OR2L13: variants seen among roughly 807,000 people sequenced by gnomAD.
OR2L13 encodes the protein olfactory receptor family 2 subfamily L member 13, also known as olfactory receptor 2L13.
In OR2L13, 14 loss-of-function variants were observed where a neutral mutation model predicts 15.3. That is an observed-to-expected ratio of 0.91 (90% confidence interval 0.60 to 1.43). The LOEUF (loss-of-function observed/expected upper bound fraction) is 1.43, where lower values mean the gene tolerates loss of function less well. OR2L13 is among the 40% of genes most tolerant of loss of function. OR2L13 has a pLI of 0.00. For synonymous variants in OR2L13, 152 were observed against 142.9 expected (o/e 1.06, Z -0.45); for missense variants, 367 against 387.9 (o/e 0.95, Z 0.45).
At chr1:248,085,686 T>A in the OR2L13 span, among the ~76,000 whole-genome samples, 1 of 152,160 alleles carries the variant, frequency 6.6e-6, no homozygotes, top group African/African-American at 2.4e-5. Flanking sequence ...AGGAGAAAGT[T>A]ATATAACATT....
upstream of OR2L13, among the ~76,000 whole-genome samples, chr1:248,090,475 T>C (rs183435972): frequency 1.9e-3 from 285 of 152,236 alleles, 4 homozygotes; most frequent in African/African-American, 6.7e-3. Flanking sequence ...GTGTCTGTTG[T>C]TCCTGTCTGT....
At chr1:247,975,280 G>A in the OR2L13 span, 17 of 448,158 alleles carry the variant, frequency 3.8e-5, no homozygotes, top group South Asian at 2.5e-4. Context: ...GGTGACTCTG[G>A]CCTTCGTGGA....
At chr1:248,059,647 A>G in the OR2L13 span, among the ~76,000 whole-genome samples, 1 of 152,242 alleles carries the variant, frequency 6.6e-6, no homozygotes, top group African/African-American at 2.4e-5. Flanking sequence ...GAACCACAAA[A>G]TGATAACTGA....
chr1:248,090,014 C>A, the OR2L13 span, among the ~76,000 whole-genome samples: 1 of 152,156 alleles, frequency 6.6e-6, no homozygotes, highest in Non-Finnish European at 1.5e-5. Flanking sequence ...TATGACTTTT[C>A]CTGTAACCTC....
chr1:247,948,797 C>T, the OR2L13 span: 49 of 1,407,828 alleles, frequency 3.5e-5, no homozygotes, highest in Admixed American at 2.8e-4. Context: ...CAGATAAGGG[C>T]GAATTACTGT....
At chr1:248,096,624 G>A (rs562197350), upstream of OR2L13, among the ~76,000 whole-genome samples, 18 of 152,270 alleles carry the variant, frequency 1.2e-4, no homozygotes, top group African/African-American at 4.3e-4. Flanking sequence ...TGTCCTATAC[G>A]TTGTTGAGAT....
At chr1:248,000,480 T>C in the OR2L13 span, among the ~76,000 whole-genome samples, 1 of 152,180 alleles carries the variant, frequency 6.6e-6, no homozygotes, top group African/African-American at 2.4e-5. Flanking sequence ...CATCTTACTT[T>C]CAACTCTAAA....
the OR2L13 span, chr1:248,084,432 G>T: frequency 1.3e-6 from 2 of 1,583,444 alleles, no homozygotes; most frequent in Non-Finnish European, 1.7e-6. Flanking sequence ...GTACATGGGC[G>T]TGTGGAGCCG....
At chr1:248,098,882 AAG>A (rs1466494868) in intron 2 of OR2L13, 107 bp downstream of exon 2, 1 of 153,466 alleles carries the variant, frequency 6.5e-6, no homozygotes, top group Non-Finnish European at 1.4e-5. Flanking sequence ...TAAAGAGAAA[AAG>A]AGAGATTCTA....
chr1:248,043,839 C>G, the OR2L13 span, among the ~76,000 whole-genome samples: 2 of 152,084 alleles, frequency 1.3e-5, no homozygotes, highest in Non-Finnish European at 2.9e-5. Flanking sequence ...TAAAAAAGAG[C>G]ATGGGGAGAT....
At chr1:248,022,981 A>G in the OR2L13 span, 2 of 1,126,196 alleles carry the variant, frequency 1.8e-6, no homozygotes, top group East Asian at 2.4e-5. Flanking sequence ...CCAGTATGTC[A>G]AACAGAGATT....
chr1:247,952,972 T>A, the OR2L13 span, among the ~76,000 whole-genome samples: 1 of 152,122 alleles, frequency 6.6e-6, no homozygotes, highest in Non-Finnish European at 1.5e-5. Flanking sequence ...GAGGCAATGG[T>A]AATCCTATTT....
chr1:248,097,652 C>G (rs564452781), intron 1 of OR2L13, among the ~76,000 whole-genome samples: 4 of 152,190 alleles, frequency 2.6e-5, no homozygotes, highest in African/African-American at 7.2e-5. Context: ...CAAAATGTCT[C>G]TCTTCAAAAC....
At chr1:247,998,438 T>C in the OR2L13 span, among the ~76,000 whole-genome samples, 1 of 152,130 alleles carries the variant, frequency 6.6e-6, no homozygotes, top group African/African-American at 2.4e-5. Flanking sequence ...TGGTGTTTTG[T>C]TTTGTTTTGT....
At chr1:247,990,382 T>C in the OR2L13 span, 6 of 1,581,786 alleles carry the variant, frequency 3.8e-6, no homozygotes, top group African/African-American at 2.7e-5. Context: ...ATGGCTCTAA[T>C]TGGAAACCTA....
At chr1:247,966,350 A>G in the OR2L13 span, 1 of 1,595,672 alleles carries the variant, frequency 6.3e-7, no homozygotes, top group Non-Finnish European at 8.5e-7. Flanking sequence ...TTGAGCATTA[A>G]CAACATAAAA....
the OR2L13 span, chr1:247,949,175 A>T: frequency 1.2e-6 from 2 of 1,614,038 alleles, no homozygotes; most frequent in Non-Finnish European, 1.7e-6. Context: ...TCTTGGCATT[A>T]GGAGGTGCAG....
At chr1:247,956,548 T>G in the OR2L13 span, among the ~76,000 whole-genome samples, 8 of 150,726 alleles carry the variant, frequency 5.3e-5, no homozygotes, top group Non-Finnish European at 1.2e-4. Context: ...ATGGCCATTT[T>G]CATGATATTG....
the OR2L13 span, among the ~76,000 whole-genome samples, chr1:247,940,637 G>A: frequency 6.6e-6 from 1 of 152,076 alleles, no homozygotes; most frequent in Non-Finnish European, 1.5e-5. Flanking sequence ...TAGGTTGAAT[G>A]TATGTCTTTG....
Sources: gnomAD v4.1 joint callset for allele counts (sites outside exome capture counted in the v4.1 genomes callset) on GRCh38, gnomAD v4.1.1 for gene constraint, MANE v1.5 for transcripts, NCBI Gene and HGNC (gene_info 2026-07-23, HGNC 2026-07-21) for gene names.